Variants in ALDH5A1 observed in about 807,000 individuals in gnomAD.
The protein encoded by ALDH5A1 is aldehyde dehydrogenase 5 family member A1, also known as succinate-semialdehyde dehydrogenase, mitochondrial.
Under a neutral mutation model 54.7 loss-of-function variants are expected in ALDH5A1, and 33 were observed. The ratio of observed to expected loss-of-function variants is 0.60; its 90% CI spans 0.46 to 0.81. ALDH5A1 has a LOEUF of 0.81. Ranked by LOEUF, ALDH5A1 falls within the 30% of genes least tolerant of loss-of-function variation. The pLI is 0.00. For synonymous variants in ALDH5A1, 294 were observed against 292.7 expected, an observed-to-expected ratio of 1.00 and a Z score of -0.05; for missense variants, 657 against 711.0, an observed-to-expected ratio of 0.92 and a Z score of 0.86.
chr6:24,522,490 T>TGTGTGTGTGTGG, intron 6 of ALDH5A1: 1 of 360,630 alleles, frequency 2.8e-6, no homozygotes, highest in Non-Finnish European at 5.3e-6. Flanking sequence ...TGTGTGTGTG[T>TGTGTGTGTGTGG]GTGTGTGTGT....
At chr6:24,502,938 T>G (rs1170191657) in intron 2 of ALDH5A1, among the ~76,000 whole-genome samples, 1 of 152,062 alleles carries the variant, frequency 6.6e-6, no homozygotes, top group Non-Finnish European at 1.5e-5. Context: ...CATTTTTTAA[T>G]GTACCAATAC....
chr6:24,504,719 C>G, intron 3 of ALDH5A1, 150 bp from the exon 4 acceptor site: 1 of 771,074 alleles, frequency 1.3e-6, no homozygotes, highest in African/African-American at 1.7e-5. Context: ...GCGGGGGGGT[C>G]AGGTGTTCTG....
At chr6:24,526,569 C>T (rs1759800032) in intron 7 of ALDH5A1, among the ~76,000 whole-genome samples, 1 of 151,546 alleles carries the variant, frequency 6.6e-6, no homozygotes, top group Non-Finnish European at 1.5e-5. Flanking sequence ...GATAAAATTT[C>T]GGAGATCTTA....
intron 1 of ALDH5A1, among the ~76,000 whole-genome samples, chr6:24,499,905 C>T (rs1446023847): frequency 6.6e-5 from 10 of 152,108 alleles, no homozygotes; most frequent in Admixed American, 5.9e-4. Flanking sequence ...ATGATCCGCC[C>T]GCCTCGGCCT....
chr6:24,525,375 C>G (rs755660275), intron 7 of ALDH5A1, among the ~76,000 whole-genome samples: 48 of 151,978 alleles, frequency 3.2e-4, no homozygotes, highest in Non-Finnish European at 5.9e-4. Context: ...GCACTCACAC[C>G]TATATTTACC....
intron 6 of ALDH5A1, 172 bp from the exon 7 acceptor site, chr6:24,522,595 C>T (rs749141125): frequency 2.2e-5 from 15 of 674,288 alleles, no homozygotes; most frequent in Non-Finnish European, 3.7e-5. Flanking sequence ...TGCACTGACT[C>T]AGTGCTTTTA....
At position 24,530,202 on chromosome 6, in the gene ALDH5A1, T is replaced by C. The variant is rs552394736; in HGVS notation, c.1344-1917T>C. On this transcript the variant is annotated intron_variant, in intron 8 of 9. Transcript: ENST00000357578. ...CCTCATCTGCCAGCATATTAATGCA[T>C]TCTTCAGATATACTCATTCTGGCTT... 5.9e-5 allele frequency among the ~76,000 whole-genome samples: 9 copies of C among 152,222 alleles called. No individual in the cohort carries two copies. In the South Asian group the frequency reaches 1.7e-3, roughly 28 times the overall value.
At chr6:24,515,083 A>C in intron 4 of ALDH5A1, 84 bp from the exon 5 acceptor site, 15 of 1,428,038 alleles carry the variant, frequency 1.1e-5, no homozygotes, top group Non-Finnish European at 1.0e-5. Context: ...TGGGTTAAGT[A>C]TCTATTTATT....
intron 5 of ALDH5A1, among the ~76,000 whole-genome samples, chr6:24,519,635 C>T (rs1759636240): frequency 6.6e-6 from 1 of 151,886 alleles, no homozygotes; most frequent in Non-Finnish European, 1.5e-5. Context: ...TAGAGTGTTA[C>T]ATTAAAGGAG....
chr6:24,495,301 T>TGCGC lies in ALDH5A1; in HGVS notation c.308_311dup (p.Ala105ArgfsTer32). On this transcript the variant is annotated frameshift_variant, in exon 1 of 10. Transcript: ENST00000357578. LOFTEE classifies it high-confidence loss of function. Reference sequence around the variant, plus strand: ...GGGGTGCGAGAGGCCCGCGCCGCCGTGCGCGCTGCCTACGAGGCTTTCTGC... The same window carrying TGCGC: ...GGGGTGCGAGAGGCCCGCGCCGCCGTGCGCGCGCGCTGCCTACGAGGCTTTCTGC... 6.5e-7 allele frequency: 1 copy of TGCGC among 1,533,136 alleles called. No homozygotes were observed. The highest frequency in any genetic ancestry group is 8.7e-7 in the Non-Finnish European group (1 of 1,146,390). The allele number at this position is 1,533,136 out of a possible 1,614,324, so 95.0% of individuals were successfully genotyped here.
At chr6:24,496,636 A>T (rs1366274933) in intron 1 of ALDH5A1, among the ~76,000 whole-genome samples, 1 of 152,016 alleles carries the variant, frequency 6.6e-6, no homozygotes, top group Non-Finnish European at 1.5e-5. Context: ...TCAATTTTAG[A>T]CTCATGGAGT....
At chr6:24,529,759 C>T (rs183222218) in intron 8 of ALDH5A1, among the ~76,000 whole-genome samples, 32 of 121,740 alleles carry the variant, frequency 2.6e-4, no homozygotes, top group African/African-American at 7.9e-4. Context: ...TTAACCTCTG[C>T]CTCTTGGGTT....
chr6:24,515,728 AG>A (rs1759559221), intron 5 of ALDH5A1, among the ~76,000 whole-genome samples: 2 of 152,190 alleles, frequency 1.3e-5, no homozygotes, highest in Non-Finnish European at 1.5e-5. Context: ...TTCAAAAAAA[AG>A]GTCTGTTGGT....
At chr6:24,498,788 A>G (rs1259373693) in intron 1 of ALDH5A1, among the ~76,000 whole-genome samples, 2 of 152,124 alleles carry the variant, frequency 1.3e-5, no homozygotes, top group Admixed American at 6.5e-5. Context: ...ACATGGTGAA[A>G]CACTGTCTCT....
In ALDH5A1 at chr6:24,533,644, C is replaced by T. The variant is rs748170674; in HGVS notation, c.1540C>T (p.Arg514Ter). 3.7e-6 allele frequency: 6 copies of T among 1,613,916 alleles called. No individual in the cohort carries two copies. The highest frequency in any genetic ancestry group is 1.7e-5 in the Admixed American group (1 of 60,008). The change falls in exon 10 of 10, where the codon CGA becomes TGA. Residue 514 changes from arginine to a stop codon, truncating the protein, a stop_gained. Transcript: ENST00000357578. LOFTEE classifies it high-confidence loss of function. ...FGGVKQSGLG[R>*]EGSKYGIDEY... ...TGGAGTGAAGCAGTCCGGCCTTGGG[C>T]GAGAGGGGTCCAAGTATGGCATTGA...
chr6:24,504,930 C>T lies in ALDH5A1; in HGVS notation c.671C>T (p.Thr224Ile). 6 of 1,614,244 alleles carry T rather than the reference C, an allele frequency of 3.7e-6. No individual in the cohort carries two copies. The highest frequency in any genetic ancestry group is 5.1e-6 in the Non-Finnish European group (6 of 1,180,048). ...GGGGCCGCCCTGGCAGCCGGCTGTACTGTCGTGGTGAAGCCTGCCGAAGAC... is the reference window on the plus strand; with the variant it reads ...GGGGCCGCCCTGGCAGCCGGCTGTATTGTCGTGGTGAAGCCTGCCGAAGAC... ...KVGAALAAGCTVVVKPAEDTP... is the reference protein window; with the variant it reads ...KVGAALAAGCIVVVKPAEDTP... The change falls in exon 4 of 10, where the codon ACT (threonine) becomes ATT (isoleucine). Residue 224 changes from threonine (T) to isoleucine (I), a missense_variant. By Grantham distance (89) the Thr-to-Ile change is moderately conservative (BLOSUM62 -1). Around this residue, in one of 2 missense-constraint regions of ALDH5A1, gnomAD observed 425 missense variants for 516.4 expected, o/e 0.82. Transcript: ENST00000357578.
intron 4 of ALDH5A1, among the ~76,000 whole-genome samples, chr6:24,506,059 A>G (rs553835076): frequency 1.3e-4 from 19 of 151,638 alleles, no homozygotes; most frequent in African/African-American, 3.9e-4. Flanking sequence ...TACCTACCCT[A>G]TCACTATTTG....
At chr6:24,530,054 C>T (rs565068432) in intron 8 of ALDH5A1, among the ~76,000 whole-genome samples, 1 of 152,246 alleles carries the variant, frequency 6.6e-6, no homozygotes, top group South Asian at 2.1e-4. Flanking sequence ...TTCATTTATG[C>T]TTTTCTAGCC....
chr6:24,514,455 C>G (rs2127385517), intron 4 of ALDH5A1, among the ~76,000 whole-genome samples: 1 of 152,242 alleles, frequency 6.6e-6, no homozygotes, highest in East Asian at 1.9e-4. Flanking sequence ...AATGCATGCT[C>G]TGGCCAGGCC....
Sources: gnomAD v4.1 joint callset for allele counts (sites outside exome capture counted in the v4.1 genomes callset) on GRCh38, gnomAD v4.1.1 for gene constraint, gnomAD v4.1.1 regional missense constraint, MANE v1.5 for transcripts, NCBI Gene and HGNC (gene_info 2026-07-23, HGNC 2026-07-21) for gene names.